WDR53: variants seen among roughly 807,000 people sequenced by gnomAD.
WDR53 encodes the protein WD repeat-containing protein 53.
A neutral mutation model predicts 21.3 loss-of-function variants in WDR53; 19 were observed. That is an observed-to-expected ratio of 0.89 (90% CI 0.62 to 1.31). The LOEUF is 1.31. Ranked by LOEUF, WDR53 falls within the 50% of genes most tolerant of loss-of-function variation. The pLI, the probability that WDR53 is intolerant of heterozygous loss-of-function variation, is 0.00. For synonymous variants in WDR53, 157 were observed against 163.4 expected, an observed-to-expected ratio of 0.96 and a Z score of 0.30; for missense variants, 374 against 423.2, an observed-to-expected ratio of 0.88 and a Z score of 1.02.
intron 3 of WDR53, among the ~76,000 whole-genome samples, chr3:196,560,765 G>A (rs962733550): frequency 1.3e-5 from 2 of 152,164 alleles, no homozygotes; most frequent in African/African-American, 4.8e-5. Context: ...GGTTTTAGGA[G>A]TATCTTACAG....
intron 1 of WDR53, among the ~76,000 whole-genome samples, chr3:196,567,569 G>A (rs564984561): frequency 2.4e-4 from 37 of 152,272 alleles, no homozygotes; most frequent in African/African-American, 8.4e-4. Flanking sequence ...TCAGCTCATG[G>A]AGTTGTTTTG....
chr3:196,565,436 G>T (rs963598801), intron 2 of WDR53, among the ~76,000 whole-genome samples: 2 of 152,110 alleles, frequency 1.3e-5, no homozygotes, highest in Non-Finnish European at 2.9e-5. Flanking sequence ...TTAGCAGGGT[G>T]TGGTGGTACG....
Position 196,567,091 on chromosome 3 carries a change from T to C in WDR53, c.-231A>G, listed in dbSNP as rs1261873332. 2 of 455,358 alleles carry C rather than the reference T, an allele frequency of 4.4e-6. No individual in the cohort carries two copies. Among genetic ancestry groups the C allele is most frequent in the Non-Finnish European group, 8.8e-6 (2 of 226,148 alleles). 28.2% of individuals were successfully genotyped at this position (455,358 alleles called of 1,614,324 possible). A position where few individuals can be genotyped will look rare whatever the true frequency, so the allele number is the denominator to read the frequency against. Reference sequence around the variant, plus strand: ...ACCGTCCCGTTCAAGAGTCTGTGCCTCTAAGGCTGTTCATTCTGTCTAGTT... The same window carrying C: ...ACCGTCCCGTTCAAGAGTCTGTGCCCCTAAGGCTGTTCATTCTGTCTAGTT... On this transcript the variant is annotated 5_prime_UTR_variant, in exon 2 of 4. Coordinates refer to ENST00000332629, the MANE Select transcript of WDR53 (RefSeq NM_182627.3).
chr3:196,560,319 T>C (rs1734709224), intron 3 of WDR53, among the ~76,000 whole-genome samples: 1 of 151,750 alleles, frequency 6.6e-6, no homozygotes, highest in South Asian at 2.1e-4. Context: ...CTCGGCTCAC[T>C]GCAACCTCCA....
intron 3 of WDR53, among the ~76,000 whole-genome samples, chr3:196,559,848 T>C (rs1734656685): frequency 6.6e-6 from 1 of 152,190 alleles, no homozygotes; most frequent in Non-Finnish European, 1.5e-5. Flanking sequence ...CAGGTGGCAA[T>C]GTAGATACTT....
chr3:196,557,980 T>C (rs1466148797), intron 3 of WDR53, among the ~76,000 whole-genome samples: 1 of 152,034 alleles, frequency 6.6e-6, no homozygotes, highest in African/African-American at 2.4e-5. Flanking sequence ...TTTCGCTATG[T>C]TGCCCAGGCT....
At chr3:196,558,577 A>G (rs1734546215) in intron 3 of WDR53, among the ~76,000 whole-genome samples, 1 of 152,234 alleles carries the variant, frequency 6.6e-6, no homozygotes, top group Non-Finnish European at 1.5e-5. Context: ...TTACTGTTAC[A>G]TAAGAAAAAA....
chr3:196,567,986 C>T (rs572575755), intron 1 of WDR53, among the ~76,000 whole-genome samples: 11 of 152,284 alleles, frequency 7.2e-5, no homozygotes, highest in South Asian at 2.1e-4. Flanking sequence ...AATTCTTCCC[C>T]TTCCAAGAAT....
Position 196,556,577 on chromosome 3 carries a change from A to T in WDR53, c.481-1770T>A, listed in dbSNP as rs1160479466. The stretch of plus-strand genomic sequence containing the variant: ...AGGCTGAGGCAGGAGAATGGCGTGA[A>T]CCTGGGAGGCAGAGCTTGCAGTGAG... On this transcript the variant is annotated intron_variant, in intron 3 of 3. Transcript: ENST00000332629. Among the ~76,000 whole-genome samples, 4 of 151,724 alleles carry T rather than the reference A, an allele frequency of 2.6e-5. No individual in the cohort carries two copies. The East Asian group carries it at 7.8e-4, about 30-fold the overall frequency.
In WDR53 at chr3:196,561,376, T is replaced by C; in HGVS notation, c.100A>G (p.Thr34Ala). Residue 34 changes from threonine to alanine, a missense_variant, in exon 3 of 4, where the codon ACG becomes GCG. Coordinates refer to ENST00000332629, the MANE Select transcript of WDR53 (RefSeq NM_182627.3). Reference sequence around the variant, plus strand: ...GGAGTTCCATCTTCACCCCAAGCCGTGAGATCTCCGCCCTCTGCTCCAGAA... The same window carrying C: ...GGAGTTCCATCTTCACCCCAAGCCGCGAGATCTCCGCCCTCTGCTCCAGAA... ...LASGAEGGDLTAWGEDGTPLG... is the reference protein window; with the variant it reads ...LASGAEGGDLAAWGEDGTPLG... 1 of 1,614,080 alleles carries C rather than the reference T, an allele frequency of 6.2e-7. No individual in the cohort carries two copies. The highest frequency in any genetic ancestry group is 1.1e-5 in the South Asian group (1 of 91,076).
Position 196,561,009 on chromosome 3 carries a change from C to A in WDR53, c.467G>T (p.Gly156Val). 1 of 1,613,454 alleles carries A rather than the reference C, an allele frequency of 6.2e-7. No homozygotes were observed. The highest frequency in any genetic ancestry group is 1.1e-5 in the South Asian group (1 of 90,964). Residue 156 changes from glycine to valine, a missense_variant, in exon 3 of 4, where the codon GGA (glycine) becomes GTA (valine). Transcript: ENST00000332629. ...PQRPQSLVSCGLDMQVMLWSL... is the reference protein window; with the variant it reads ...PQRPQSLVSCVLDMQVMLWSL... ...CAAAAGCATCACCTGCATATCCAGT[C>A]CACATGACACCAGGCTCTGAGGCCT...
chr3:196,562,544 G>C (rs1234604996), intron 2 of WDR53, among the ~76,000 whole-genome samples: 2 of 152,128 alleles, frequency 1.3e-5, no homozygotes, highest in East Asian at 3.9e-4. Flanking sequence ...TTATAAGCGT[G>C]AGCCACCACG....
rs763495712 is a variant in WDR53, at chr3:196,567,021, T to C, written c.-161A>G. ...CTGAGACACGATAAAGGCCAGTCTT[T>C]AAAAACTGAGTGATCTCTAAACACT... On this transcript the variant is annotated 5_prime_UTR_variant, in exon 2 of 4. Transcript: ENST00000332629. The C allele has an allele frequency of 1.2e-4, 42 of 346,942 alleles. No individual in the cohort carries two copies. Among genetic ancestry groups the C allele is most frequent in the Non-Finnish European group, 1.9e-4 (33 of 172,698 alleles). The allele number at this position is 346,942 out of a possible 1,614,324, so 21.5% of individuals were successfully genotyped here.
In WDR53 at chr3:196,561,281, G is replaced by C; in HGVS notation, c.195C>G (p.Thr65=). 6.2e-7 allele frequency: 1 copy of C among 1,614,212 alleles called. No individual in the cohort carries two copies. The highest frequency in any genetic ancestry group is 8.5e-7 in the Non-Finnish European group (1 of 1,180,034). ...TTTCTCCATGTGAGGCATAGAGCTTGGTGGGACAGGAGGGAGAAAATAAGA... is the reference window on the plus strand; with the variant it reads ...TTTCTCCATGTGAGGCATAGAGCTTCGTGGGACAGGAGGGAGAAAATAAGA... ...TSVLFSPSCP[T]KLYASHGETI... The change falls in exon 3 of 4, where the codon ACC becomes ACG. Residue 65 remains threonine, a synonymous_variant. Transcript: ENST00000332629.
At chr3:196,565,566 C>T (rs1052663774) in intron 2 of WDR53, among the ~76,000 whole-genome samples, 1 of 136,566 alleles carries the variant, frequency 7.3e-6, no homozygotes, top group Non-Finnish European at 1.5e-5. Flanking sequence ...GGTGAGGGGG[C>T]AGGGGGGAGT....
intron 3 of WDR53, among the ~76,000 whole-genome samples, chr3:196,560,402 T>C (rs1734719533): frequency 6.6e-6 from 1 of 152,074 alleles, no homozygotes; most frequent in Non-Finnish European, 1.5e-5. Context: ...CCACCACGCC[T>C]GGCTAATTTT....
chr3:196,557,513 G>C (rs1328540739), intron 3 of WDR53, among the ~76,000 whole-genome samples: 2 of 152,206 alleles, frequency 1.3e-5, no homozygotes, highest in African/African-American at 4.8e-5. Flanking sequence ...CTGCACTCCA[G>C]CCTGGATGAC....
In WDR53 at chr3:196,558,015, G is replaced by A. The variant is rs571524375; in HGVS notation, c.480+2981C>T. On this transcript the variant is annotated intron_variant, in intron 3 of 3. Coordinates refer to ENST00000332629, the MANE Select transcript of WDR53 (RefSeq NM_182627.3). The stretch of plus-strand genomic sequence containing the variant: ...TGGTCACAAACTCCTGAGCTCAAGC[G>A]ATCCACCTGCCATGGCCTCCCAAAG... 1.4e-3 allele frequency among the ~76,000 whole-genome samples: 214 copies of A among 152,070 alleles called. 1 individual carries two copies. Among genetic ancestry groups the A allele is most frequent in the Non-Finnish European group, 3.2e-4 (22 of 67,990 alleles).
At position 196,567,169 on chromosome 3, in the gene WDR53, G is replaced by T; in HGVS notation, c.-309C>A. ...TCTGCTTATCCTTGAAGACTTCAAA[G>T]AAATTAGTGAGAGACAGTCACCATC... On this transcript the variant is annotated 5_prime_UTR_variant, in exon 2 of 4. Transcript: ENST00000332629. The T allele has an allele frequency of 2.2e-6, 1 of 457,244 alleles. No homozygotes were observed. Among genetic ancestry groups the T allele is most frequent in the Admixed American group, 2.3e-5 (1 of 42,580 alleles). The allele number at this position is 457,244 out of a possible 1,614,324, so 28.3% of individuals were successfully genotyped here. A position where few individuals can be genotyped will look rare whatever the true frequency, so the allele number is the denominator to read the frequency against.
Sources: gnomAD v4.1 joint callset for allele counts (sites outside exome capture counted in the v4.1 genomes callset) on GRCh38, gnomAD v4.1.1 for gene constraint, MANE v1.5 for transcripts, NCBI Gene and HGNC (gene_info 2026-07-23, HGNC 2026-07-21) for gene names.